The following EPB41L1 variants were observed in gnomAD, a reference collection of about 807,000 sequenced individuals.
The protein encoded by EPB41L1 is band 4.1-like protein 1.
Under a neutral mutation model 97.8 loss-of-function variants are expected in EPB41L1, and 29 were observed. The observed-to-expected ratio is 0.30, with a 90% confidence interval of 0.22 to 0.40. The LOEUF is 0.40. Among genes scored for constraint, EPB41L1 ranks in the 10% least tolerant of loss-of-function variants. The pLI is 1.00. For synonymous variants in EPB41L1, 383 were observed against 459.2 expected (o/e 0.83, Z 2.12); for missense variants, 812 against 1,162.3 (o/e 0.70, Z 4.38).
In EPB41L1 at chr20:36,124,092, CA is replaced by C. The variant is rs879331885; in HGVS notation, c.-10+11621del. On this transcript the variant is annotated intron_variant, in intron 2 of 19. Coordinates refer to the EPB41L1 transcript ENST00000202028. ...TGAAACCCCGTCTCTACTAAAAATA[CA>C]AAAAAAAAGAAATTAGCCGGGTGTG... is the stretch of plus-strand genomic sequence containing the variant. Among the ~76,000 whole-genome samples the C allele has an allele frequency of 6.6e-5, 10 of 150,386 alleles. No individual in the cohort carries two copies. In the East Asian group the frequency reaches 1.6e-3, roughly 23 times the overall value.
In EPB41L1 at chr20:36,092,913, TC is replaced by T. The variant is rs2057701074; in HGVS notation, c.-65+1304del. On this transcript the variant is annotated intron_variant, in intron 1 of 19. Coordinates refer to the EPB41L1 transcript ENST00000202028. This position sits in a 1 kb window ranked among gnomAD's most constrained non-coding sequence, Gnocchi z 7.0. Reference sequence around the variant, plus strand: ...GGCCGCCGAGGGCGGCGGGCTCGATTCCCGATCTTTGGGCACTGACAGGCCG... The same window carrying T: ...GGCCGCCGAGGGCGGCGGGCTCGATTCCGATCTTTGGGCACTGACAGGCCG... 6.6e-6 allele frequency: 1 copy of T among 151,874 alleles called. No homozygotes were observed. Among genetic ancestry groups the T allele is most frequent in the South Asian group, 2.1e-4 (1 of 4,820 alleles). 9.4% of individuals were successfully genotyped at this position (151,874 alleles called of 1,614,324 possible).
intron 2 of EPB41L1, among the ~76,000 whole-genome samples, chr20:36,127,826 C>G (rs571537647): frequency 6.6e-6 from 1 of 152,248 alleles, no homozygotes; most frequent in African/African-American, 2.4e-5. Context: ...CGTAGGTTCC[C>G]TTGTAAGATG....
chr20:36,210,050 G>A, intron 15 of EPB41L1, 152 bp downstream of exon 15: 1 of 959,292 alleles, frequency 1.0e-6, no homozygotes, highest in South Asian at 1.7e-5. Context: ...GCATGGTTCT[G>A]TGCTCGCATG....
chr20:36,102,598 G>A (rs1364510802), intron 1 of EPB41L1, among the ~76,000 whole-genome samples: 1 of 152,170 alleles, frequency 6.6e-6, no homozygotes, highest in Non-Finnish European at 1.5e-5. Context: ...CTGTGGTTCT[G>A]GAAGTCAGGT....
chr20:36,213,402 GAGAA>G (rs2063253386), intron 16 of EPB41L1, among the ~76,000 whole-genome samples: 1 of 152,228 alleles, frequency 6.6e-6, no homozygotes, highest in Admixed American at 6.5e-5. Context: ...AAAAAAGAGA[GAGAA>G]AGAGAAAACT....
intron 1 of EPB41L1, among the ~76,000 whole-genome samples, chr20:36,112,221 G>A (rs551072385): frequency 4.6e-5 from 7 of 152,182 alleles, no homozygotes; most frequent in Admixed American, 2.0e-4. Flanking sequence ...AAGGTCCTTC[G>A]CTGCCTGGCC....
At chr20:36,188,555 A>G (rs1015798903) in intron 9 of EPB41L1, 56 bp downstream of exon 9, 4 of 1,362,714 alleles carry the variant, frequency 2.9e-6, no homozygotes, top group Non-Finnish European at 3.9e-6. Context: ...AATGGAGTGG[A>G]CCCTGGCAGC....
At chr20:36,118,764 T>A (rs2058663274) in intron 2 of EPB41L1, among the ~76,000 whole-genome samples, 1 of 152,250 alleles carries the variant, frequency 6.6e-6, no homozygotes, top group Admixed American at 6.5e-5. Flanking sequence ...CATTAATGAA[T>A]GTAAATTTAT....
intron 2 of EPB41L1, among the ~76,000 whole-genome samples, chr20:36,134,669 C>A (rs2059347309): frequency 6.6e-6 from 1 of 152,060 alleles, no homozygotes; most frequent in Non-Finnish European, 1.5e-5. Flanking sequence ...CCAGGCTGTT[C>A]CTGCAAGGTT....
At chr20:36,095,596 C>A (rs1451185219) in intron 1 of EPB41L1, among the ~76,000 whole-genome samples, 1 of 152,212 alleles carries the variant, frequency 6.6e-6, no homozygotes, top group South Asian at 2.1e-4. Context: ...GAGTTTGTCT[C>A]GTTGTTACCC....
At chr20:36,140,791 C>T (rs927662679) in intron 2 of EPB41L1, among the ~76,000 whole-genome samples, 3 of 152,116 alleles carry the variant, frequency 2.0e-5, no homozygotes, top group East Asian at 1.9e-4. Flanking sequence ...CTGCCCCTGC[C>T]GTGTGTGGGT....
intron 1 of EPB41L1, among the ~76,000 whole-genome samples, chr20:36,103,958 C>G (rs2147521405): frequency 6.6e-6 from 1 of 152,264 alleles, no homozygotes; most frequent in Admixed American, 6.5e-5. Context: ...CCCGCCTCGG[C>G]CTCCCAAAGT....
At chr20:36,171,556 A>G (rs1289718533) in intron 1 of EPB41L1, among the ~76,000 whole-genome samples, 1 of 152,112 alleles carries the variant, frequency 6.6e-6, no homozygotes, top group African/African-American at 2.4e-5. Context: ...CTCCACGCAA[A>G]AAGCCTTTCC....
chr20:36,221,572 T>G (rs1309293375), intron 19 of EPB41L1, among the ~76,000 whole-genome samples: 1 of 152,048 alleles, frequency 6.6e-6, no homozygotes, highest in East Asian at 1.9e-4. Context: ...GCTCAGGCAG[T>G]ACCAAGGCAG....
intron 17 of EPB41L1, among the ~76,000 whole-genome samples, chr20:36,217,221 T>C (rs1253916392): frequency 2.0e-5 from 3 of 152,124 alleles, no homozygotes; most frequent in Non-Finnish European, 4.4e-5. Context: ...CAGGGCAAAA[T>C]GTCTAGGACA....
At chr20:36,217,186 G>A (rs1168039021) in intron 17 of EPB41L1, among the ~76,000 whole-genome samples, 4 of 152,240 alleles carry the variant, frequency 2.6e-5, no homozygotes, top group Admixed American at 1.3e-4. Context: ...GATCGGATGA[G>A]TCTGAGGTGC....
chr20:36,152,423 C>A, upstream of EPB41L1: 1 of 154,200 alleles, frequency 6.5e-6, no homozygotes, highest in Non-Finnish European at 1.4e-5. Flanking sequence ...GGCCCTGCCC[C>A]AGGGGAGGAG....
chr20:36,210,496 C>T (rs190279020), intron 15 of EPB41L1, among the ~76,000 whole-genome samples: 10 of 152,102 alleles, frequency 6.6e-5, no homozygotes, highest in Admixed American at 4.6e-4. Context: ...TTCCTTTGCC[C>T]CCTCATCTCT....
At chr20:36,198,856 A>G (rs563542211) in intron 14 of EPB41L1, among the ~76,000 whole-genome samples, 2 of 152,306 alleles carry the variant, frequency 1.3e-5, no homozygotes, top group South Asian at 4.1e-4. Flanking sequence ...GCTGCCTGCC[A>G]GCTGGATGAC....
Sources: allele counts gnomAD v4.1 joint callset (sites outside exome capture counted in the v4.1 genomes callset), GRCh38; gene constraint gnomAD v4.1.1; non-coding constraint Gnocchi (gnomAD v3.1); transcripts MANE v1.5; gene names NCBI Gene and HGNC (gene_info 2026-07-23, HGNC 2026-07-21).